Variants in ATE1 observed in about 807,000 individuals in gnomAD.
ATE1 encodes the protein arginyltransferase 1.
ATE1 carries 36 observed loss-of-function variants against 70.5 expected under a neutral mutation model. That is an observed-to-expected ratio of 0.51 (90% CI 0.39 to 0.67). The LOEUF (loss-of-function observed/expected upper bound fraction) is 0.67, where lower values mean the gene tolerates loss of function less well. Among genes scored for constraint, ATE1 ranks in the 30% least tolerant of loss-of-function variants. The probability of loss-of-function intolerance (pLI) is 0.00; values close to 1 mark genes in which losing one functional copy is unlikely to be tolerated. For missense variants in ATE1, 593 were observed against 629.5 expected (o/e 0.94, Z 0.62); for synonymous variants, 232 against 219.3 (o/e 1.06, Z -0.51).
chr10:121,857,471 G>A (rs1949289722), intron 8 of ATE1, among the ~76,000 whole-genome samples: 1 of 152,138 alleles, frequency 6.6e-6, no homozygotes, highest in Non-Finnish European at 1.5e-5. Flanking sequence ...AGTATTCCAT[G>A]GTGTATATGT....
intron 7 of ATE1, among the ~76,000 whole-genome samples, chr10:121,875,177 T>C (rs1289880366): frequency 1.3e-5 from 2 of 149,986 alleles, no homozygotes; most frequent in African/African-American, 2.4e-5. Context: ...AAATCTTATT[T>C]ACACTCCAAT....
intron 10 of ATE1, among the ~76,000 whole-genome samples, chr10:121,819,122 A>G (rs1947680793): frequency 6.6e-6 from 1 of 152,246 alleles, no homozygotes; most frequent in African/African-American, 2.4e-5. Flanking sequence ...TTGCATTATC[A>G]ATTCATTTTC....
chr10:121,770,000 C>T (rs1178283737), intron 11 of ATE1, among the ~76,000 whole-genome samples: 7 of 152,150 alleles, frequency 4.6e-5, no homozygotes, highest in Admixed American at 4.6e-4. Flanking sequence ...AGTAACTGTA[C>T]TGCTGGGCAT....
chr10:121,741,230 T>C lies in ATE1; in HGVS notation c.*2450A>G, dbSNP rs1944136664. 1 of 152,252 alleles carries C rather than the reference T, an allele frequency of 6.6e-6. No individual in the cohort carries two copies. The highest frequency in any genetic ancestry group is 2.4e-5 in the African/African-American group (1 of 41,472). The allele number at this position is 152,252 out of a possible 1,614,324, so 9.4% of individuals were successfully genotyped here. ...GGGTCACTTTTCTTGACTATGCTTT[T>C]CTAGTCCACTATCAGTATTCACTCA... On this transcript the variant is annotated 3_prime_UTR_variant, in exon 12 of 12. Coordinates refer to ENST00000224652, the MANE Select transcript of ATE1 (RefSeq NM_001001976.3).
In ATE1 at chr10:121,817,538, C is replaced by CAAA. The variant is rs10625101; in HGVS notation, c.1257+19177_1257+19179dup. Among the ~76,000 whole-genome samples the CAAA allele has an allele frequency of 2.8e-3, 407 of 143,218 alleles. 3 individuals are homozygous for CAAA. The highest frequency in any genetic ancestry group is 5.2e-3 in the East Asian group (25 of 4,772). The allele number at this position is 143,218 out of a possible 152,430, so 94.0% of individuals were successfully genotyped here. Reference sequence around the variant, plus strand: ...TGGGCGACAGAGCGAGACTCTGTCTCAAAAAAAAAAAAGAAGAGCTCAAAT... The same window carrying CAAA: ...TGGGCGACAGAGCGAGACTCTGTCTCAAAAAAAAAAAAAAAGAAGAGCTCAAAT... On this transcript the variant is annotated intron_variant, in intron 10 of 11. Coordinates refer to ENST00000224652, the MANE Select transcript of ATE1 (RefSeq NM_001001976.3).
intron 5 of ATE1, among the ~76,000 whole-genome samples, chr10:121,909,404 T>A (rs1951331449): frequency 6.6e-6 from 1 of 152,220 alleles, no homozygotes; most frequent in African/African-American, 2.4e-5. Context: ...ATTAAGAAAT[T>A]TTCTTCAAGT....
intron 10 of ATE1, among the ~76,000 whole-genome samples, chr10:121,821,225 T>A (rs1436344208): frequency 6.6e-6 from 1 of 152,170 alleles, no homozygotes; most frequent in Non-Finnish European, 1.5e-5. Context: ...ATTCCTGATG[T>A]GAGCCACCGC....
At chr10:121,847,620 T>C (rs1387015475) in intron 8 of ATE1, among the ~76,000 whole-genome samples, 1 of 150,714 alleles carries the variant, frequency 6.6e-6, no homozygotes, top group African/African-American at 2.4e-5. Flanking sequence ...TAGCCTAGCG[T>C]GGTGGCATGT....
At chr10:121,831,843 T>C (rs1011921319) in intron 10 of ATE1, among the ~76,000 whole-genome samples, 1 of 152,222 alleles carries the variant, frequency 6.6e-6, no homozygotes. Flanking sequence ...TAAATGTATA[T>C]AATCAGTCAT....
rs867056041 is a variant in ATE1 at position 121,740,765 on chromosome 10, G to A, written c.*2915C>T. On this transcript the variant is annotated 3_prime_UTR_variant, in exon 12 of 12. Transcript: ENST00000224652. ...TCTTTTACATAATAGATTCTGACACGTTAAGAAACTACACACAACAAATAT... is the reference window on the plus strand; with the variant it reads ...TCTTTTACATAATAGATTCTGACACATTAAGAAACTACACACAACAAATAT... 1 of 152,054 alleles carries A rather than the reference G, an allele frequency of 6.6e-6. No individual in the cohort carries two copies. Among genetic ancestry groups the A allele is most frequent in the Non-Finnish European group, 1.5e-5 (1 of 68,008 alleles). 9.4% of individuals were successfully genotyped at this position (152,054 alleles called of 1,614,324 possible).
intron 8 of ATE1, among the ~76,000 whole-genome samples, chr10:121,856,179 C>T (rs1365789547): frequency 6.6e-6 from 1 of 151,644 alleles, no homozygotes; most frequent in Non-Finnish European, 1.5e-5. Flanking sequence ...AAAGTTATCG[C>T]TTTTCTCAGA....
intron 8 of ATE1, among the ~76,000 whole-genome samples, chr10:121,863,002 G>A (rs1010518926): frequency 6.6e-6 from 1 of 152,008 alleles, no homozygotes; most frequent in Non-Finnish European, 1.5e-5. Flanking sequence ...CATACTGTGT[G>A]GTAGTGTTGT....
chr10:121,781,001 C>A (rs1945964420), intron 11 of ATE1, among the ~76,000 whole-genome samples: 1 of 152,128 alleles, frequency 6.6e-6, no homozygotes, highest in African/African-American at 2.4e-5. Flanking sequence ...TTTATGAATT[C>A]TTTAAATTTA....
At chr10:121,800,024 G>A (rs1215716993) in intron 10 of ATE1, among the ~76,000 whole-genome samples, 1 of 152,084 alleles carries the variant, frequency 6.6e-6, no homozygotes, top group Non-Finnish European at 1.5e-5. Context: ...CCAGAAATAT[G>A]TGATTTTAAT....
At chr10:121,924,206 G>T in intron 2 of ATE1, 60 bp downstream of exon 2, 1 of 1,486,762 alleles carries the variant, frequency 6.7e-7, no homozygotes, top group Non-Finnish European at 9.4e-7. Flanking sequence ...TCAAAGGCAT[G>T]CTGTATTTTT....
chr10:121,748,416 T>C (rs746534809), intron 11 of ATE1, among the ~76,000 whole-genome samples: 8 of 152,180 alleles, frequency 5.3e-5, no homozygotes, highest in Non-Finnish European at 8.8e-5. Context: ...TGTCAAAATA[T>C]AGACTTCCAT....
intron 8 of ATE1, among the ~76,000 whole-genome samples, chr10:121,867,827 T>A (rs1012086879): frequency 6.6e-6 from 1 of 152,222 alleles, no homozygotes. Flanking sequence ...GAACACATAT[T>A]CTCCATTTTA....
intron 8 of ATE1, among the ~76,000 whole-genome samples, chr10:121,865,509 C>T (rs1405914468): frequency 1.3e-5 from 2 of 152,134 alleles, no homozygotes; most frequent in African/African-American, 2.4e-5. Context: ...CTTTTATTTA[C>T]CCACATTTAA....
At chr10:121,803,606 T>A (rs537739042) in intron 10 of ATE1, among the ~76,000 whole-genome samples, 1 of 152,354 alleles carries the variant, frequency 6.6e-6, no homozygotes, top group Non-Finnish European at 1.5e-5. Context: ...ACATTCTTTT[T>A]AAAATGTATA....
Sources: gnomAD v4.1 joint callset for allele counts (sites outside exome capture counted in the v4.1 genomes callset) on GRCh38, gnomAD v4.1.1 for gene constraint, MANE v1.5 for transcripts, NCBI Gene and HGNC (gene_info 2026-07-23, HGNC 2026-07-21) for gene names.